SMOC1: variants seen among roughly 807,000 people sequenced by gnomAD.
The protein encoded by SMOC1 is SPARC related modular calcium binding 1.
Under a neutral mutation model 56.3 loss-of-function variants are expected in SMOC1, and 22 were observed. The observed-to-expected ratio is 0.39, with a 90% CI of 0.28 to 0.56. The LOEUF is 0.56. SMOC1 is among the 20% of genes least tolerant of loss of function. The probability of loss-of-function intolerance (pLI) is 0.61; values close to 1 mark genes in which losing one functional copy is unlikely to be tolerated. For missense variants in SMOC1, 509 were observed against 565.4 expected (o/e 0.90, Z 1.01); for synonymous variants, 193 against 215.0 (o/e 0.90, Z 0.89).
Position 70,013,446 on chromosome 14 carries a change from A to G in SMOC1, c.1001A>G (p.Asp334Gly). 6.2e-7 allele frequency: 1 copy of G among 1,614,204 alleles called. No individual in the cohort carries two copies. The highest frequency in any genetic ancestry group is 1.1e-5 in the South Asian group (1 of 91,078). Residue 334 changes from aspartate (D) to glycine (G), a missense_variant, in exon 10 of 12, where the codon GAC (aspartate) becomes GGC (glycine). Around this residue, in one of 3 missense-constraint regions of SMOC1, gnomAD observed 176 missense variants for 188.1 expected, o/e 0.94. Transcript: ENST00000361956. ...ITSLLDALTT[D>G]MVQAINSAAP... The stretch of plus-strand genomic sequence containing the variant: ...AGCCTACTGGATGCTCTCACCACTG[A>G]CATGGTTCAGGCCATTAACTCAGCA...
intron 8 of SMOC1, 150 bp downstream of exon 8, chr14:70,011,096 A>T (rs1885320611): frequency 1.1e-6 from 1 of 879,972 alleles, no homozygotes; most frequent in Non-Finnish European, 1.8e-6. Flanking sequence ...AGGTAGAAAG[A>T]CCCTGGGACC....
chr14:69,923,428 G>A (rs554719400), intron 1 of SMOC1, among the ~76,000 whole-genome samples: 27 of 152,286 alleles, frequency 1.8e-4, no homozygotes, highest in African/African-American at 5.3e-4. Flanking sequence ...GGAGCACAGG[G>A]GGTAATAGCA....
chr14:69,934,175 C>G (rs227390), intron 1 of SMOC1, among the ~76,000 whole-genome samples: 7,188 of 152,220 alleles, frequency 0.047, 342 homozygotes, highest in African/African-American at 0.12. Context: ...TACCGCCTGC[C>G]TTGCATTTTC....
intron 3 of SMOC1, among the ~76,000 whole-genome samples, chr14:69,958,092 C>A (rs1362716846): frequency 6.6e-6 from 1 of 152,046 alleles, no homozygotes; most frequent in African/African-American, 2.4e-5. Context: ...GACACAAATA[C>A]CTTAAACAAA....
intron 7 of SMOC1, among the ~76,000 whole-genome samples, chr14:70,002,143 TTCTTCTCTTGGCCA>T (rs1394975789): frequency 1.3e-4 from 20 of 152,198 alleles, no homozygotes; most frequent in African/African-American, 4.6e-4. Flanking sequence ...CTGGAGACAG[TTCTTCTCTTGGCCA>T]GTGAGTTAAT....
chr14:70,028,061 G>A (rs900634655), intron 11 of SMOC1, among the ~76,000 whole-genome samples: 1 of 152,258 alleles, frequency 6.6e-6, no homozygotes, highest in African/African-American at 2.4e-5. Context: ...GAAGGATGCC[G>A]AGCTTGGGGA....
chr14:69,929,096 C>T lies in SMOC1; in HGVS notation c.100-23042C>T, dbSNP rs1885095306. Among the ~76,000 whole-genome samples, 6 of 152,162 alleles carry T rather than the reference C, an allele frequency of 3.9e-5. 1 individual carries two copies. The South Asian group carries it at 1.0e-3, about 26-fold the overall frequency. ...TGCAAGCTGCATAGGAAGAGACCTT[C>T]TTGAGGTGGCATCTCATGTCTTTAT... is the stretch of plus-strand genomic sequence containing the variant. On this transcript the variant is annotated intron_variant, in intron 1 of 11. Transcript: ENST00000361956.
At chr14:69,911,762 C>T (rs1884561713) in intron 1 of SMOC1, among the ~76,000 whole-genome samples, 1 of 152,152 alleles carries the variant, frequency 6.6e-6, no homozygotes, top group South Asian at 2.1e-4. Flanking sequence ...AGATGAAGGA[C>T]ATTTGGGTTG....
intron 5 of SMOC1, among the ~76,000 whole-genome samples, chr14:69,986,935 C>G (rs978133812): frequency 1.3e-5 from 2 of 152,244 alleles, no homozygotes; most frequent in African/African-American, 4.8e-5. Flanking sequence ...AGTTCACCAT[C>G]CATTTCTGAG....
At chr14:70,015,577 T>C (rs1885482125) in intron 10 of SMOC1, among the ~76,000 whole-genome samples, 1 of 152,108 alleles carries the variant, frequency 6.6e-6, no homozygotes, top group African/African-American at 2.4e-5. Flanking sequence ...GCTCTGAGGC[T>C]GGTTTCTGGC....
chr14:69,911,383 T>G (rs1158517789), intron 1 of SMOC1, among the ~76,000 whole-genome samples: 1 of 152,212 alleles, frequency 6.6e-6, no homozygotes, highest in African/African-American at 2.4e-5. Context: ...ATACAGTAAA[T>G]GCAACACAGT....
At chr14:69,960,286 A>G (rs1465232995) in intron 3 of SMOC1, among the ~76,000 whole-genome samples, 1 of 152,128 alleles carries the variant, frequency 6.6e-6, no homozygotes, top group Non-Finnish European at 1.5e-5. Context: ...GCTCTCTCAG[A>G]CAGTGTAGAG....
intron 7 of SMOC1, among the ~76,000 whole-genome samples, chr14:69,998,335 A>T (rs1270776691): frequency 2.6e-5 from 4 of 152,140 alleles, no homozygotes; most frequent in Non-Finnish European, 5.9e-5. Context: ...TGGCCAGCTA[A>T]TACGCTAGAA....
Position 69,960,197 on chromosome 14 carries a change from C to T in SMOC1, c.378+6665C>T, listed in dbSNP as rs990134408. On this transcript the variant is annotated intron_variant, in intron 3 of 11. Transcript: ENST00000361956. ...GGGGTTTGTCCTATCTTTGATGAGC[C>T]TGGGAGTCTAATAGGAGTTCAGGGG... 4.6e-5 allele frequency among the ~76,000 whole-genome samples: 7 copies of T among 152,164 alleles called. No individual in the cohort carries two copies. The East Asian group carries it at 1.3e-3, about 29-fold the overall frequency.
intron 1 of SMOC1, among the ~76,000 whole-genome samples, chr14:69,929,873 A>G (rs1240907770): frequency 6.6e-6 from 1 of 152,148 alleles, no homozygotes; most frequent in Non-Finnish European, 1.5e-5. Flanking sequence ...CTGACGAAGG[A>G]AAAGAGAGGC....
intron 7 of SMOC1, among the ~76,000 whole-genome samples, chr14:70,006,837 C>T (rs1490843267): frequency 2.0e-5 from 3 of 152,160 alleles, no homozygotes; most frequent in South Asian, 2.1e-4. Flanking sequence ...CTCCAGTAGG[C>T]GAGACCAGCT....
At chr14:69,906,748 C>G (rs1884418931) in intron 1 of SMOC1, among the ~76,000 whole-genome samples, 1 of 152,120 alleles carries the variant, frequency 6.6e-6, no homozygotes, top group South Asian at 2.1e-4. Context: ...TAAGAGACAT[C>G]CACTGAATTT....
intron 3 of SMOC1, among the ~76,000 whole-genome samples, chr14:69,953,737 G>A (rs571086694): frequency 6.6e-6 from 1 of 152,316 alleles, no homozygotes; most frequent in Admixed American, 6.5e-5. Context: ...AGTAGGTCCT[G>A]AAAAGACGCA....
Position 70,030,248 on chromosome 14 carries a change from G to A in SMOC1, c.1298G>A (p.Arg433His), listed in dbSNP as rs753534911. The part of the protein sequence containing the change: ...GCLGVSKEVG[R>H]LV ...TTCTCCTTCCTTCTCTCAGTAGGAC[G>A]CCTCGTCTAAGGAGCAGAAAACCCA... The change falls in exon 12 of 12, where the codon CGC (arginine) becomes CAC (histidine). Residue 433 changes from arginine to histidine, a missense_variant. This residue lies in a region of SMOC1 where 176 missense variants were observed against 188.1 expected (regional missense o/e 0.94). Transcript: ENST00000361956. The A allele has an allele frequency of 1.7e-5, 27 of 1,602,312 alleles. No homozygotes were observed. The highest frequency in any genetic ancestry group is 8.4e-5 in the African/African-American group (6 of 71,666).
Sources: gnomAD v4.1 joint callset for allele counts (sites outside exome capture counted in the v4.1 genomes callset) on GRCh38, gnomAD v4.1.1 for gene constraint, gnomAD v4.1.1 regional missense constraint, MANE v1.5 for transcripts, NCBI Gene and HGNC (gene_info 2026-07-23, HGNC 2026-07-21) for gene names.